Variants in GALK2 observed in about 807,000 individuals in gnomAD.
GALK2 encodes the protein galactokinase 2.
In GALK2, 36 loss-of-function variants were observed where a neutral mutation model predicts 52.4. That is an observed-to-expected ratio of 0.69 (90% CI 0.53 to 0.91). GALK2 has a LOEUF of 0.91. Ranked by LOEUF, GALK2 falls within the 40% of genes least tolerant of loss-of-function variation. The probability of loss-of-function intolerance (pLI) is 0.00; values close to 1 mark genes in which losing one functional copy is unlikely to be tolerated. For synonymous variants in GALK2, 176 were observed against 199.1 expected, an observed-to-expected ratio of 0.88 and a Z score of 0.98; for missense variants, 579 against 559.1, an observed-to-expected ratio of 1.04 and a Z score of -0.36.
chr15:49,256,890 C>T lies in GALK2; in HGVS notation c.504+17523C>T, dbSNP rs541713521. ...TTAGATCAGGCAGTATGGTGCCTAA[C>T]TGAATTAATTAAAAAAATGTAATCT... On this transcript the variant is annotated intron_variant, in intron 5 of 9. Transcript: ENST00000560031. 9.1e-4 allele frequency among the ~76,000 whole-genome samples: 139 copies of T among 152,234 alleles called. 5 individuals are homozygous for T. The South Asian group carries it at 0.028, about 30-fold the overall frequency.
intron 5 of GALK2, among the ~76,000 whole-genome samples, chr15:49,253,583 C>G (rs16962209): frequency 0.069 from 9,952 of 143,556 alleles, 1,528 homozygotes; most frequent in African/African-American, 0.16. Flanking sequence ...ATGTAACTTA[C>G]CATCTGTTTA....
At chr15:49,231,757 C>T (rs965619523) in intron 3 of GALK2, among the ~76,000 whole-genome samples, 1 of 152,200 alleles carries the variant, frequency 6.6e-6, no homozygotes, top group African/African-American at 2.4e-5. Context: ...GCAAGGGAGT[C>T]ATTAAATCTT....
At chr15:49,174,180 T>C (rs1432415244) in intron 1 of GALK2, among the ~76,000 whole-genome samples, 2 of 152,212 alleles carry the variant, frequency 1.3e-5, no homozygotes, top group Non-Finnish European at 2.9e-5. Flanking sequence ...TATACATATG[T>C]ACATATATGT....
chr15:49,271,189 C>T (rs1371073215), intron 5 of GALK2, among the ~76,000 whole-genome samples: 1 of 152,116 alleles, frequency 6.6e-6, no homozygotes, highest in African/African-American at 2.4e-5. Flanking sequence ...CATTGGAGGC[C>T]CCGCTGGTAT....
At chr15:49,176,852 A>G (rs1284170450) in intron 1 of GALK2, among the ~76,000 whole-genome samples, 1 of 152,194 alleles carries the variant, frequency 6.6e-6, no homozygotes. Context: ...CTAAAATGAG[A>G]TGGGAAACTT....
chr15:49,361,156 C>G (rs2044158315), intron 3 of GALK2, among the ~76,000 whole-genome samples: 1 of 152,052 alleles, frequency 6.6e-6, no homozygotes, highest in African/African-American at 2.4e-5. Flanking sequence ...CATAACATCA[C>G]TTTTTACCCC....
chr15:49,242,755 A>G (rs2091160761), intron 5 of GALK2, among the ~76,000 whole-genome samples: 1 of 152,246 alleles, frequency 6.6e-6, no homozygotes, highest in Non-Finnish European at 1.5e-5. Flanking sequence ...TACTGGTACA[A>G]GAGAGTATGA....
chr15:49,187,694 T>C (rs1336095599), intron 1 of GALK2, among the ~76,000 whole-genome samples: 1 of 152,158 alleles, frequency 6.6e-6, no homozygotes, highest in Non-Finnish European at 1.5e-5. Context: ...AGTATTTCCC[T>C]GTAGCCACCT....
chr15:49,156,164 T>G, intron 1 of GALK2: 12 of 750,486 alleles, frequency 1.6e-5, no homozygotes, highest in Non-Finnish European at 2.5e-5. Context: ...ATGGATATCC[T>G]AAATTAGGTA....
chr15:49,269,162 A>G (rs1377562843), intron 5 of GALK2, among the ~76,000 whole-genome samples: 2 of 152,114 alleles, frequency 1.3e-5, no homozygotes, highest in African/African-American at 2.4e-5. Context: ...GTGATTTGTA[A>G]TTAGATTGTT....
intron 8 of GALK2, among the ~76,000 whole-genome samples, chr15:49,316,889 A>G (rs912955109): frequency 3.9e-5 from 6 of 152,048 alleles, no homozygotes; most frequent in African/African-American, 1.4e-4. Context: ...CCTCCCATCT[A>G]TTGCTGATCT....
intron 8 of GALK2, among the ~76,000 whole-genome samples, chr15:49,306,706 C>T (rs1365632849): frequency 1.3e-5 from 2 of 152,166 alleles, no homozygotes; most frequent in African/African-American, 2.4e-5. Flanking sequence ...GCATTGACCA[C>T]GATTCCTTCT....
At chr15:49,241,568 C>T (rs1215046960) in intron 5 of GALK2, among the ~76,000 whole-genome samples, 1 of 152,178 alleles carries the variant, frequency 6.6e-6, no homozygotes, top group East Asian at 1.9e-4. Flanking sequence ...AGAAGTTGTA[C>T]AAAACTTTGA....
intron 7 of GALK2, among the ~76,000 whole-genome samples, chr15:49,288,105 C>A (rs1285765613): frequency 6.6e-6 from 1 of 152,196 alleles, no homozygotes; most frequent in Non-Finnish European, 1.5e-5. Context: ...TAATGAAGCA[C>A]ATTTTTATGA....
chr15:49,214,915 G>A (rs765070014), intron 2 of GALK2, among the ~76,000 whole-genome samples: 2 of 148,200 alleles, frequency 1.3e-5, no homozygotes, highest in African/African-American at 2.5e-5. Flanking sequence ...AGACAGGTCT[G>A]GTGTTGTTGA....
At chr15:49,360,796 G>A (rs1244881818) in intron 3 of GALK2, among the ~76,000 whole-genome samples, 1 of 152,044 alleles carries the variant, frequency 6.6e-6, no homozygotes, top group Non-Finnish European at 1.5e-5. Flanking sequence ...ACATTAACTA[G>A]TAAACAAGTT....
intron 8 of GALK2, among the ~76,000 whole-genome samples, chr15:49,300,498 T>C (rs1371391287): frequency 4.6e-5 from 7 of 152,162 alleles, no homozygotes; most frequent in African/African-American, 1.7e-4. Context: ...CTGGTTGTTT[T>C]GTAGCATTGA....
chr15:49,231,189 G>A (rs2090482194), intron 3 of GALK2, among the ~76,000 whole-genome samples: 1 of 152,134 alleles, frequency 6.6e-6, no homozygotes, highest in African/African-American at 2.4e-5. Flanking sequence ...TGGCTGCGGA[G>A]GCCTCAGGCA....
intron 7 of GALK2, among the ~76,000 whole-genome samples, chr15:49,290,093 A>G (rs552482934): frequency 3.9e-5 from 6 of 152,330 alleles, no homozygotes; most frequent in African/African-American, 4.8e-5. Flanking sequence ...GCCCTGACTT[A>G]TAGCCCTGCT....
Sources: allele counts gnomAD v4.1 joint callset (sites outside exome capture counted in the v4.1 genomes callset), GRCh38; gene constraint gnomAD v4.1.1; transcripts MANE v1.5; gene names NCBI Gene and HGNC (gene_info 2026-07-23, HGNC 2026-07-21).